The following PCDHGB3 variants were observed in gnomAD, a reference collection of about 807,000 sequenced individuals.
PCDHGB3 encodes protocadherin gamma subfamily B, 3.
Under a neutral mutation model 59.2 loss-of-function variants are expected in PCDHGB3, and 40 were observed. The ratio of observed to expected loss-of-function variants is 0.68; its 90% CI spans 0.52 to 0.88. PCDHGB3 has a LOEUF of 0.88. Ranked by LOEUF, PCDHGB3 falls within the 40% of genes least tolerant of loss-of-function variation. The pLI is 0.00. For synonymous variants in PCDHGB3, 581 were observed against 503.6 expected, an observed-to-expected ratio of 1.15 and a Z score of -2.06; for missense variants, 1,309 against 1,187.9, an observed-to-expected ratio of 1.10 and a Z score of -1.50.
intron 1 of PCDHGB3, chr5:141,478,456 T>A (rs371773090): frequency 3.1e-6 from 5 of 1,613,366 alleles, no homozygotes; most frequent in African/African-American, 2.7e-5. Context: ...GTGCAGCCAG[T>A]CCACTGGCCA....
intron 3 of PCDHGB3, among the ~76,000 whole-genome samples, chr5:141,506,700 G>GT (rs1446452157): frequency 2.0e-5 from 3 of 152,138 alleles, no homozygotes; most frequent in Admixed American, 1.3e-4. Context: ...ACCCAAACCC[G>GT]TTTTTTACTG....
intron 1 of PCDHGB3, among the ~76,000 whole-genome samples, chr5:141,386,696 G>A (rs2090675281): frequency 6.6e-6 from 1 of 152,096 alleles, no homozygotes; most frequent in African/African-American, 2.4e-5. Context: ...ACTTGGGGTA[G>A]AAGACAATGT....
intron 1 of PCDHGB3, chr5:141,426,336 C>T (rs779025306): frequency 1.7e-4 from 31 of 187,682 alleles, no homozygotes; most frequent in Non-Finnish European, 2.8e-4. Context: ...GGCAAGCACT[C>T]TTCCCTTTCC....
rs61612330 is a variant in PCDHGB3 at position 141,454,796 on chromosome 5, A to ATTTTTTTTTTTTTTTTTTTTTTTTT, written c.2416-40006_2416-39982dup. ...AAGGAAATAATCCTCCATGGTTCTA[A>ATTTTTTTTTTTTTTTTTTTTTTTTT]TTTTTTTTTTTTTTTTTTTTTTTTT... On this transcript the variant is annotated intron_variant, in intron 1 of 3. Coordinates refer to ENST00000576222, the MANE Select transcript of PCDHGB3 (RefSeq NM_018924.5). Among the ~76,000 whole-genome samples, 7 of 77,408 alleles carry ATTTTTTTTTTTTTTTTTTTTTTTTT rather than the reference A, an allele frequency of 9.0e-5. 1 individual carries two copies. Among genetic ancestry groups the ATTTTTTTTTTTTTTTTTTTTTTTTT allele is most frequent in the East Asian group, 4.0e-4 (1 of 2,514 alleles). 50.8% of individuals were successfully genotyped at this position (77,408 alleles called of 152,430 possible). A position where few individuals can be genotyped will look rare whatever the true frequency, so the allele number is the denominator to read the frequency against.
chr5:141,460,924 A>ATATATG (rs1561985817), intron 1 of PCDHGB3, among the ~76,000 whole-genome samples: 1 of 150,496 alleles, frequency 6.6e-6, no homozygotes, highest in African/African-American at 2.4e-5. Flanking sequence ...ATATATATAT[A>ATATATG]TGTGTGTGTG....
intron 1 of PCDHGB3, among the ~76,000 whole-genome samples, chr5:141,444,942 A>C (rs1272061494): frequency 6.6e-6 from 1 of 152,082 alleles, no homozygotes; most frequent in Non-Finnish European, 1.5e-5. Flanking sequence ...AGGAGGGAGG[A>C]GGATCATCTT....
Position 141,400,542 on chromosome 5 carries a change from C to G in PCDHGB3, c.2415+27733C>G, listed in dbSNP as rs373097307. On this transcript the variant is annotated intron_variant, in intron 1 of 3. Transcript: ENST00000576222. ...CTGAGTTGGTGAGTTTCATTTATGT[C>G]TATTCTTTTTCATTACCCACCCAAT... 5.6e-6 allele frequency: 9 copies of G among 1,613,628 alleles called. No individual in the cohort carries two copies. In the African/African-American group the frequency reaches 8.0e-5, roughly 14 times the overall value.
intron 1 of PCDHGB3, among the ~76,000 whole-genome samples, chr5:141,448,813 C>T (rs1020956433): frequency 2.0e-5 from 3 of 151,800 alleles, no homozygotes; most frequent in Admixed American, 1.3e-4. Context: ...GGCGTGATGG[C>T]GGGCGCCTGT....
At chr5:141,479,590 A>T (rs2099500448) in intron 1 of PCDHGB3, 1 of 152,182 alleles carries the variant, frequency 6.6e-6, no homozygotes, top group Non-Finnish European at 1.5e-5. Context: ...TAGCCACTGC[A>T]CTCCAGCCTA....
chr5:141,500,258 G>A lies in PCDHGB3; in HGVS notation c.2475-5135G>A, dbSNP rs2099798463. On this transcript the variant is annotated intron_variant, in intron 2 of 3. Coordinates refer to ENST00000576222, the MANE Select transcript of PCDHGB3 (RefSeq NM_018924.5). ...TAGCCTTGCTCTGTCACCCAGGCTG[G>A]ACTGCAGTGGCGCAATCTCGGCTCA... Among the ~76,000 whole-genome samples the A allele has an allele frequency of 2.0e-5, 3 of 150,738 alleles. No homozygotes were observed. In the South Asian group the frequency reaches 6.3e-4, roughly 32 times the overall value.
At chr5:141,392,921 A>T in intron 1 of PCDHGB3, 2 of 1,613,940 alleles carry the variant, frequency 1.2e-6, no homozygotes, top group Non-Finnish European at 1.7e-6. Flanking sequence ...ACTCTGTGCC[A>T]GAAGAGACGG....
rs768812729 is a variant in PCDHGB3, at chr5:141,491,543, A to T, written c.2416-3264A>T. 2.5e-6 allele frequency: 4 copies of T among 1,613,842 alleles called. No individual in the cohort carries two copies. The highest frequency in any genetic ancestry group is 3.4e-6 in the Non-Finnish European group (4 of 1,179,982). The stretch of plus-strand genomic sequence containing the variant: ...ATGGAGGTGACGCTGCGGCCCACAG[A>T]CTCGCAGAGCCACTGCTACAGGACG... On this transcript the variant is annotated intron_variant, in intron 1 of 3. Transcript: ENST00000576222. This position sits in a 1 kb window ranked among gnomAD's most constrained non-coding sequence, Gnocchi z 6.9.
At chr5:141,389,465 A>G (rs1485260449) in intron 1 of PCDHGB3, 2 of 1,613,184 alleles carry the variant, frequency 1.2e-6, no homozygotes, top group Admixed American at 1.7e-5. Context: ...GCGCCTTCGA[A>G]CTCACACTGC....
intron 3 of PCDHGB3, chr5:141,508,128 T>C (rs1490298338): frequency 6.6e-6 from 1 of 151,706 alleles, no homozygotes; most frequent in African/African-American, 2.4e-5. Context: ...CAGAGGGAGG[T>C]CAGGGAGCTG....
At chr5:141,402,971 T>A (rs1589470573) in intron 1 of PCDHGB3, 1 of 1,608,252 alleles carries the variant, frequency 6.2e-7, no homozygotes, top group East Asian at 2.2e-5. Flanking sequence ...TCCAACCAAA[T>A]GCCAGCTCCG....
chr5:141,479,329 G>A (rs2099493017), intron 1 of PCDHGB3: 1 of 152,490 alleles, frequency 6.6e-6, no homozygotes, highest in African/African-American at 2.4e-5. Context: ...AGACTCAGTG[G>A]TGTGCACCTG....
intron 1 of PCDHGB3, chr5:141,398,072 G>T: frequency 1.9e-6 from 3 of 1,588,646 alleles, no homozygotes; most frequent in Non-Finnish European, 2.6e-6. Context: ...CAATACAGAG[G>T]TTATTTGTAA....
At chr5:141,400,339 A>G in intron 1 of PCDHGB3, 1 of 1,613,986 alleles carries the variant, frequency 6.2e-7, no homozygotes. Flanking sequence ...GGTTCCCCCC[A>G]ACTACAGTCA....
At chr5:141,389,714 C>A in intron 1 of PCDHGB3, 1 of 1,612,536 alleles carries the variant, frequency 6.2e-7, no homozygotes, top group South Asian at 1.1e-5. Flanking sequence ...TGCAGGCTAG[C>A]GAGCCCGGGC....
Sources: gnomAD v4.1 joint callset for allele counts (sites outside exome capture counted in the v4.1 genomes callset) on GRCh38, gnomAD v4.1.1 for gene constraint, Gnocchi (gnomAD v3.1) non-coding constraint, MANE v1.5 for transcripts, NCBI Gene and HGNC (gene_info 2026-07-23, HGNC 2026-07-21) for gene names.